STRBP: variants seen among roughly 807,000 people sequenced by gnomAD.
The protein encoded by STRBP is spermatid perinuclear RNA-binding protein.
In STRBP, 13 loss-of-function variants were observed where a neutral mutation model predicts 80.1. That is an observed-to-expected ratio of 0.16 (90% CI 0.11 to 0.26). The LOEUF is 0.26. STRBP is among the 10% of genes least tolerant of loss of function. The pLI, the probability that STRBP is intolerant of heterozygous loss-of-function variation, is 1.00. For missense variants in STRBP, 485 were observed against 815.2 expected (o/e 0.59, Z 4.93); for synonymous variants, 284 against 291.2 (o/e 0.98, Z 0.25).
At position 123,235,928 on chromosome 9, in the gene STRBP, T is replaced by TA. The variant is rs1031534013; in HGVS notation, c.-165+901dup. Among the ~76,000 whole-genome samples the TA allele has an allele frequency of 7.2e-5, 11 of 152,330 alleles. No homozygotes were observed. In the East Asian group the frequency reaches 7.7e-4, roughly 11 times the overall value. The stretch of plus-strand genomic sequence containing the variant: ...TAGGAATGTGTAAAAGGCTCCATCT[T>TA]ACTTTCTGATTAATAATCCATCTGC... On this transcript the variant is annotated intron_variant, in intron 2 of 18. Transcript: ENST00000348403.
intron 2 of STRBP, among the ~76,000 whole-genome samples, chr9:123,212,897 A>C (rs988011431): frequency 1.3e-5 from 2 of 152,250 alleles, no homozygotes; most frequent in Non-Finnish European, 2.9e-5. Flanking sequence ...ATAAATTTTA[A>C]AACTCTCACA....
At chr9:123,167,113 T>C (rs2037799990) in intron 6 of STRBP, among the ~76,000 whole-genome samples, 1 of 149,562 alleles carries the variant, frequency 6.7e-6, no homozygotes, top group Non-Finnish European at 1.5e-5. Context: ...TCAACCACTC[T>C]TTTTTTTTTC....
chr9:123,259,888 A>G (rs182599322), intron 1 of STRBP, among the ~76,000 whole-genome samples: 8 of 152,364 alleles, frequency 5.3e-5, no homozygotes, highest in Admixed American at 3.3e-4. Context: ...GGAAGCACCT[A>G]TTTGTGCCAA....
intron 10 of STRBP, 52 bp downstream of exon 10, chr9:123,158,280 T>C (rs2037375045): frequency 1.3e-6 from 2 of 1,588,246 alleles, no homozygotes; most frequent in Admixed American, 1.7e-5. Context: ...ATTGAGAAAA[T>C]TAAGTTATGT....
chr9:123,138,535 G>A (rs986066999), intron 14 of STRBP, among the ~76,000 whole-genome samples: 14 of 152,170 alleles, frequency 9.2e-5, no homozygotes, highest in South Asian at 2.1e-4. Context: ...TTCCCCACAC[G>A]GCAAAGCTCA....
chr9:123,230,125 A>G (rs1399051933), intron 2 of STRBP, among the ~76,000 whole-genome samples: 2 of 152,194 alleles, frequency 1.3e-5, no homozygotes. Flanking sequence ...TGTGAACATC[A>G]GGGATATAAA....
Position 123,146,769 on chromosome 9 carries a change from A to T in STRBP, c.1338+86T>A, listed in dbSNP as rs1253692835. ...ATATTATTGCTATTAAAATGTTTTT[A>T]AAAATGATAATTTATTATAGGAAAA... On this transcript the variant is annotated intron_variant, in intron 13 of 18. Transcript: ENST00000348403. 12 of 1,187,106 alleles carry T rather than the reference A, an allele frequency of 1.0e-5. No individual in the cohort carries two copies. In the Admixed American group the frequency reaches 1.1e-4, roughly 11 times the overall value. The allele number at this position is 1,187,106 out of a possible 1,614,324, so 73.5% of individuals were successfully genotyped here.
rs2132351469 is a variant in STRBP, at chr9:123,147,058, T to G, written c.1139-4A>C. The stretch of plus-strand genomic sequence containing the variant: ...TCTATTGCTTTACTATCCAGAACTG[T>G]TAAAGAAAGAGGAATGAGGTCAGAA... On this transcript the variant is annotated splice_polypyrimidine_tract_variant and splice_region_variant and intron_variant, in intron 12 of 18. Coordinates refer to ENST00000348403, the MANE Select transcript of STRBP (RefSeq NM_018387.5). 1 of 1,607,762 alleles carries G rather than the reference T, an allele frequency of 6.2e-7. No individual in the cohort carries two copies. Among genetic ancestry groups the G allele is most frequent in the East Asian group, 2.2e-5 (1 of 44,818 alleles).
intron 12 of STRBP, 82 bp downstream of exon 12, chr9:123,147,696 A>AAAC: frequency 1.7e-6 from 2 of 1,158,526 alleles, no homozygotes; most frequent in East Asian, 5.7e-5. Flanking sequence ...AAAAAAAAAA[A>AAAC]AAACCCTTCA....
chr9:123,124,659 AG>A lies in STRBP; in HGVS notation c.*937del, dbSNP rs1048225042. The A allele has an allele frequency of 4.1e-6, 4 of 985,368 alleles. No homozygotes were observed. The African/African-American group carries it at 7.0e-5, about 17-fold the overall frequency. The allele number at this position is 985,368 out of a possible 1,614,324, so 61.0% of individuals were successfully genotyped here. ...TCTATCTGCATGAAAAAAGCCAGGG[AG>A]TGAACACAATATCTTACAGAGTGAA... is the stretch of plus-strand genomic sequence containing the variant. On this transcript the variant is annotated 3_prime_UTR_variant, in exon 19 of 19. Coordinates refer to ENST00000348403, the MANE Select transcript of STRBP (RefSeq NM_018387.5).
intron 6 of STRBP, among the ~76,000 whole-genome samples, chr9:123,167,463 T>A (rs140869278): frequency 2.6e-5 from 4 of 152,144 alleles, no homozygotes; most frequent in Admixed American, 1.3e-4. Flanking sequence ...ACAGCCCAGG[T>A]CTGAAGTGCG....
Position 123,125,233 on chromosome 9 carries a change from GTTTA to G in STRBP, c.*360_*363del, listed in dbSNP as rs2035848625. On this transcript the variant is annotated 3_prime_UTR_variant, in exon 19 of 19. Transcript: ENST00000348403. ...CAGTACTCTGTGTTACAACAAAGCA[GTTTA>G]TTTGTGATCAGTGTTTGAGACTCTA... 1 of 997,346 alleles carries G rather than the reference GTTTA, an allele frequency of 1.0e-6. No individual in the cohort carries two copies. Among genetic ancestry groups the G allele is most frequent in the South Asian group, 4.6e-5 (1 of 21,736 alleles). 61.8% of individuals were successfully genotyped at this position (997,346 alleles called of 1,614,324 possible).
intron 3 of STRBP, 53 bp downstream of exon 3, chr9:123,184,072 TAATTTTA>T (rs2038601674): frequency 3.2e-6 from 5 of 1,553,760 alleles, no homozygotes; most frequent in Non-Finnish European, 4.4e-6. Context: ...TTAACATTTC[TAATTTTA>T]AATTACTGGA....
chr9:123,226,666 T>C (rs1191669738), intron 2 of STRBP, among the ~76,000 whole-genome samples: 6 of 152,108 alleles, frequency 3.9e-5, no homozygotes, highest in Admixed American at 6.6e-5. Context: ...TCTTGAATGG[T>C]TACTATGTGC....
chr9:123,169,620 C>T (rs185593356), intron 6 of STRBP, among the ~76,000 whole-genome samples: 47 of 152,156 alleles, frequency 3.1e-4, no homozygotes, highest in African/African-American at 1.1e-3. Flanking sequence ...CAAAGTAAAA[C>T]AGAACAGCAA....
chr9:123,256,726 G>A (rs978814953), intron 1 of STRBP, among the ~76,000 whole-genome samples: 2 of 151,912 alleles, frequency 1.3e-5, no homozygotes, highest in African/African-American at 4.8e-5. Context: ...CCGTCACAGC[G>A]CACACTCACA....
At position 123,125,206 on chromosome 9, in the gene STRBP, G is replaced by C. The variant is rs1339256549; in HGVS notation, c.*391C>G. On this transcript the variant is annotated 3_prime_UTR_variant, in exon 19 of 19. Coordinates refer to ENST00000348403, the MANE Select transcript of STRBP (RefSeq NM_018387.5). The stretch of plus-strand genomic sequence containing the variant: ...GAATCAGTGACTGCATCAGGAACCA[G>C]GCAGTACTCTGTGTTACAACAAAGC... 4 of 990,084 alleles carry C rather than the reference G, an allele frequency of 4.0e-6. No individual in the cohort carries two copies. The highest frequency in any genetic ancestry group is 1.7e-5 in the African/African-American group (1 of 57,348). The allele number at this position is 990,084 out of a possible 1,614,324, so 61.3% of individuals were successfully genotyped here.
chr9:123,203,496 A>G (rs767098408), intron 2 of STRBP, among the ~76,000 whole-genome samples: 6 of 152,136 alleles, frequency 3.9e-5, no homozygotes, highest in Non-Finnish European at 7.3e-5. Flanking sequence ...TCTTGGCCTC[A>G]ACCTCTATCA....
At chr9:123,216,373 A>G (rs755473838) in intron 2 of STRBP, among the ~76,000 whole-genome samples, 2 of 152,242 alleles carry the variant, frequency 1.3e-5, no homozygotes, top group Non-Finnish European at 2.9e-5. Flanking sequence ...TCAAGCGAAT[A>G]ATCAAATGAA....
Sources: allele counts gnomAD v4.1 joint callset (sites outside exome capture counted in the v4.1 genomes callset), GRCh38; gene constraint gnomAD v4.1.1; transcripts MANE v1.5; gene names NCBI Gene and HGNC (gene_info 2026-07-23, HGNC 2026-07-21).